Variants in ATRNL1 observed in about 807,000 individuals in gnomAD.
The protein encoded by ATRNL1 is attractin like 1, also known as attractin-like protein 1.
In ATRNL1, 95 loss-of-function variants were observed where a neutral mutation model predicts 182.7. The observed-to-expected ratio is 0.52, with a 90% confidence interval of 0.44 to 0.62. The LOEUF (loss-of-function observed/expected upper bound fraction) is 0.62. ATRNL1 is among the 20% of genes least tolerant of loss of function. The probability of loss-of-function intolerance (pLI) is 0.00; values close to 1 mark genes in which losing one functional copy is unlikely to be tolerated. For missense variants in ATRNL1, 1,471 were observed against 1,679.5 expected, an observed-to-expected ratio of 0.88 and a Z score of 2.17; for synonymous variants, 576 against 568.3, an observed-to-expected ratio of 1.01 and a Z score of -0.19.
intron 28 of ATRNL1, among the ~76,000 whole-genome samples, chr10:115,877,130 T>G (rs1951718070): frequency 1.3e-5 from 2 of 152,224 alleles, no homozygotes; most frequent in Non-Finnish European, 2.9e-5. Flanking sequence ...CCGGCTTTCT[T>G]AGAAGCACGA....
At chr10:115,789,716 A>G (rs147698595) in intron 27 of ATRNL1, among the ~76,000 whole-genome samples, 2,537 of 152,310 alleles carry the variant, frequency 0.017, 31 homozygotes, top group Non-Finnish European at 0.026. Flanking sequence ...GCCTAGTCTT[A>G]GTCATTTACT....
intron 27 of ATRNL1, among the ~76,000 whole-genome samples, chr10:115,768,341 C>G (rs868919068): frequency 1.1e-4 from 17 of 151,870 alleles, no homozygotes; most frequent in East Asian, 3.9e-4. Context: ...CTTAAAAAAC[C>G]CTTTTTCTTT....
chr10:115,535,867 G>A (rs191335151), intron 25 of ATRNL1, among the ~76,000 whole-genome samples: 3 of 151,884 alleles, frequency 2.0e-5, no homozygotes, highest in African/African-American at 7.3e-5. Context: ...GTTTGCTAGA[G>A]GTCCACTCCA....
At chr10:115,511,160 A>G (rs988240398) in intron 24 of ATRNL1, among the ~76,000 whole-genome samples, 1 of 151,940 alleles carries the variant, frequency 6.6e-6, no homozygotes, top group African/African-American at 2.4e-5. Flanking sequence ...CTGTGTAACC[A>G]TATTTTTAAA....
intron 27 of ATRNL1, among the ~76,000 whole-genome samples, chr10:115,832,978 T>A (rs546299080): frequency 6.6e-6 from 1 of 152,304 alleles, no homozygotes; most frequent in East Asian, 1.9e-4. Flanking sequence ...AGTATTTTTA[T>A]GTCCCAGTAT....
chr10:115,580,425 T>C (rs1854998313), intron 26 of ATRNL1, among the ~76,000 whole-genome samples: 1 of 152,094 alleles, frequency 6.6e-6, no homozygotes, highest in African/African-American at 2.4e-5. Flanking sequence ...TCTGCCCCCT[T>C]CTGGCCTGTA....
intron 27 of ATRNL1, among the ~76,000 whole-genome samples, chr10:115,803,807 C>T (rs1555085021): frequency 6.6e-6 from 1 of 151,982 alleles, no homozygotes; most frequent in Non-Finnish European, 1.5e-5. Context: ...TTGTTATGAA[C>T]ATATTAACTT....
chr10:115,484,917 C>T (rs1471676272), intron 24 of ATRNL1, among the ~76,000 whole-genome samples: 1 of 151,654 alleles, frequency 6.6e-6, no homozygotes, highest in Non-Finnish European at 1.5e-5. Context: ...AAATCAGGAG[C>T]ATGCAATAGG....
At chr10:115,295,561 T>G (rs1336684387) in intron 15 of ATRNL1, among the ~76,000 whole-genome samples, 1 of 152,122 alleles carries the variant, frequency 6.6e-6, no homozygotes, top group Non-Finnish European at 1.5e-5. Flanking sequence ...GAGGTTGCAA[T>G]GTGGCTGTTT....
At chr10:115,272,028 C>T (rs1592359607) in intron 13 of ATRNL1, among the ~76,000 whole-genome samples, 2 of 152,232 alleles carry the variant, frequency 1.3e-5, no homozygotes, top group Non-Finnish European at 2.9e-5. Flanking sequence ...AACTCCACCT[C>T]CATTCTCACT....
intron 15 of ATRNL1, among the ~76,000 whole-genome samples, chr10:115,288,525 T>A (rs141048576): frequency 0.018 from 2,747 of 151,688 alleles, 35 homozygotes; most frequent in South Asian, 0.029. Context: ...CTTCTTTTTT[T>A]TTTTTTTATT....
At chr10:115,141,807 G>T (rs1845763901) in intron 5 of ATRNL1, among the ~76,000 whole-genome samples, 1 of 152,028 alleles carries the variant, frequency 6.6e-6, no homozygotes, top group East Asian at 1.9e-4. Flanking sequence ...TTCCCACTTA[G>T]CAAAAACAGC....
intron 5 of ATRNL1, among the ~76,000 whole-genome samples, chr10:115,157,577 A>G (rs903921650): frequency 6.6e-6 from 1 of 152,040 alleles, no homozygotes; most frequent in Non-Finnish European, 1.5e-5. Context: ...CTGTTCCTCT[A>G]TCTTCAGATC....
chr10:115,338,438 G>T (rs1183877202), intron 19 of ATRNL1, among the ~76,000 whole-genome samples: 2 of 152,044 alleles, frequency 1.3e-5, no homozygotes, highest in African/African-American at 2.4e-5. Context: ...TTTAACTGGG[G>T]TGATATTACA....
intron 14 of ATRNL1, among the ~76,000 whole-genome samples, chr10:115,285,925 A>G (rs1289304712): frequency 1.3e-5 from 2 of 152,050 alleles, no homozygotes; most frequent in Non-Finnish European, 2.9e-5. Context: ...TACTTATTGA[A>G]ATACCATATG....
At chr10:115,569,872 T>G (rs1195233188) in intron 26 of ATRNL1, among the ~76,000 whole-genome samples, 2 of 152,064 alleles carry the variant, frequency 1.3e-5, no homozygotes, top group Non-Finnish European at 2.9e-5. Context: ...GTATATCTCA[T>G]ACAGCTCTGG....
At chr10:115,304,167 A>G (rs1354333247) in intron 17 of ATRNL1, among the ~76,000 whole-genome samples, 2 of 152,182 alleles carry the variant, frequency 1.3e-5, no homozygotes, top group Non-Finnish European at 2.9e-5. Flanking sequence ...GCTTGTTTCT[A>G]TAACGTTCAT....
At chr10:115,921,105 A>G (rs1953044555) in intron 28 of ATRNL1, among the ~76,000 whole-genome samples, 1 of 152,184 alleles carries the variant, frequency 6.6e-6, no homozygotes, top group African/African-American at 2.4e-5. Context: ...TTGGAGTTTC[A>G]CGAAAGGAGG....
chr10:115,669,506 G>T (rs1016611840), intron 26 of ATRNL1, among the ~76,000 whole-genome samples: 4 of 152,204 alleles, frequency 2.6e-5, no homozygotes, highest in Non-Finnish European at 1.5e-5. Context: ...GACATTCTAT[G>T]TTCAGATTCA....
Sources: gnomAD v4.1 joint callset for allele counts (sites outside exome capture counted in the v4.1 genomes callset) on GRCh38, gnomAD v4.1.1 for gene constraint, MANE v1.5 for transcripts, NCBI Gene and HGNC (gene_info 2026-07-23, HGNC 2026-07-21) for gene names.